DNAH7: variants seen among roughly 807,000 people sequenced by gnomAD.
DNAH7 encodes the protein axonemal beta dynein heavy chain 7.
Under a neutral mutation model 444.6 loss-of-function variants are expected in DNAH7, and 397 were observed. The observed-to-expected ratio is 0.89, with a 90% CI of 0.82 to 0.97. DNAH7 has a LOEUF of 0.97. Ranked by LOEUF, DNAH7 falls within the 50% of genes least tolerant of loss-of-function variation. The pLI is 0.00. For missense variants in DNAH7, 4,902 were observed against 4,800.8 expected, an observed-to-expected ratio of 1.02 and a Z score of -0.62; for synonymous variants, 1,636 against 1,624.4, an observed-to-expected ratio of 1.01 and a Z score of -0.17.
chr2:195,886,109 T>C (rs1472725059), intron 34 of DNAH7, 32 bp downstream of exon 34: 3 of 1,594,156 alleles, frequency 1.9e-6, no homozygotes, highest in Admixed American at 1.8e-5. Context: ...CCTGTCTTTC[T>C]GTAGCAGGAT....
intron 61 of DNAH7, among the ~76,000 whole-genome samples, chr2:195,758,125 A>G (rs1694172465): frequency 1.3e-5 from 2 of 152,236 alleles, no homozygotes; most frequent in African/African-American, 4.8e-5. Context: ...AAGCAGGTCA[A>G]GAAGAAATAC....
intron 17 of DNAH7, among the ~76,000 whole-genome samples, chr2:195,963,639 C>T (rs1691263440): frequency 6.6e-6 from 1 of 152,146 alleles, no homozygotes; most frequent in Non-Finnish European, 1.5e-5. Context: ...TCCACTTTTG[C>T]TTTGTTTGCC....
intron 46 of DNAH7, among the ~76,000 whole-genome samples, chr2:195,846,538 A>G (rs962437361): frequency 2.6e-5 from 4 of 152,196 alleles, no homozygotes; most frequent in Non-Finnish European, 5.9e-5. Context: ...GTCCTACCAT[A>G]AAGACACATG....
At chr2:195,973,155 G>GCAGAGTGGTAGGGCAGCAGAC (rs535545780) in intron 15 of DNAH7, among the ~76,000 whole-genome samples, 1 of 152,182 alleles carries the variant, frequency 6.6e-6, no homozygotes, top group Non-Finnish European at 1.5e-5. Flanking sequence ...CAGCACTGCA[G>GCAGAGTGGTAGGGCAGCAGAC]CAGAGTGGTA....
chr2:196,039,710 A>T (rs1696618454), intron 5 of DNAH7, among the ~76,000 whole-genome samples: 1 of 151,718 alleles, frequency 6.6e-6, no homozygotes, highest in African/African-American at 2.4e-5. Context: ...GAGGCATGAG[A>T]AGCACTTGAA....
chr2:195,764,975 G>C (rs952721153), intron 61 of DNAH7, among the ~76,000 whole-genome samples: 2 of 151,934 alleles, frequency 1.3e-5, no homozygotes, highest in African/African-American at 2.4e-5. Context: ...CACATTACCT[G>C]ATTTCAAATT....
At position 196,024,481 on chromosome 2, in the gene DNAH7, G is replaced by C; in HGVS notation, c.691C>G (p.Arg231Gly). ...SIVDFVLKDP[R>G]EKGDDKKTDE... is the part of the protein sequence containing the mutation. ...GTCTTCTTATCATCTCCTTTCTCTC[G>C]AGGATCTTTTAAAACAAAATCAACT... The change falls in exon 8 of 65, where the codon CGA becomes GGA. Residue 231 changes from arginine (R) to glycine (G), a missense_variant. Transcript: ENST00000312428. 6.3e-7 allele frequency: 1 copy of C among 1,578,638 alleles called. No individual in the cohort carries two copies. Among genetic ancestry groups the C allele is most frequent in the Non-Finnish European group, 8.6e-7 (1 of 1,164,808 alleles).
intron 10 of DNAH7, among the ~76,000 whole-genome samples, chr2:196,009,620 G>C (rs1267399279): frequency 6.6e-6 from 1 of 152,022 alleles, no homozygotes; most frequent in South Asian, 2.1e-4. Flanking sequence ...GATGTGTTGA[G>C]GAATACCTAA....
chr2:195,802,538 G>C (rs181575758), intron 54 of DNAH7, among the ~76,000 whole-genome samples: 31 of 152,158 alleles, frequency 2.0e-4, no homozygotes, highest in African/African-American at 7.0e-4. Context: ...GCATGGTGGT[G>C]CATGTCTGTA....
At chr2:196,044,032 G>A (rs368775452) in intron 5 of DNAH7, among the ~76,000 whole-genome samples, 21 of 152,086 alleles carry the variant, frequency 1.4e-4, no homozygotes, top group Admixed American at 1.2e-3. Flanking sequence ...ACTATCATTC[G>A]ATGAAGCAAT....
chr2:195,923,633 C>CA lies in DNAH7; in HGVS notation c.3786dup (p.Asp1263Ter). 2 of 1,614,094 alleles carry CA rather than the reference C, an allele frequency of 1.2e-6. No homozygotes were observed. Among genetic ancestry groups the CA allele is most frequent in the Non-Finnish European group, 1.7e-6 (2 of 1,180,010 alleles). Reference sequence around the variant, plus strand: ...CTAAGCTGACTTAACCATTCAAAGTCAGAGTCATCGCTAATATTTTTTTTT... The same window carrying CA: ...CTAAGCTGACTTAACCATTCAAAGTCAAGAGTCATCGCTAATATTTTTTTTT... On this transcript the variant is annotated frameshift_variant, in exon 23 of 65. Coordinates refer to ENST00000312428, the MANE Select transcript of DNAH7 (RefSeq NM_018897.3). LOFTEE classifies it high-confidence loss of function.
rs185445064 is a variant in DNAH7 at position 195,826,934 on chromosome 2, A to G, written c.9101-2489T>C. Among the ~76,000 whole-genome samples, 50 of 151,954 alleles carry G rather than the reference A, an allele frequency of 3.3e-4. 1 individual carries two copies. The highest frequency in any genetic ancestry group is 2.7e-3 in the Admixed American group (41 of 15,262). On this transcript the variant is annotated intron_variant, in intron 48 of 64. Transcript: ENST00000312428. ...CCTTTTATACCACATCCACATTCCA[A>G]CCATTAGAAAAAAAAAAGAAGAAAT...
At chr2:196,036,558 C>T (rs1696405782) in intron 5 of DNAH7, among the ~76,000 whole-genome samples, 1 of 152,192 alleles carries the variant, frequency 6.6e-6, no homozygotes, top group African/African-American at 2.4e-5. Flanking sequence ...CTACCTGGGG[C>T]CACTGCCACC....
At chr2:195,742,071 G>C (rs995857161) in intron 63 of DNAH7, among the ~76,000 whole-genome samples, 10 of 152,184 alleles carry the variant, frequency 6.6e-5, no homozygotes, top group Admixed American at 3.3e-4. Context: ...AATTGACAAA[G>C]CACTTGTCCA....
At chr2:195,934,477 G>C in intron 21 of DNAH7, 114 bp downstream of exon 21, 1 of 1,117,598 alleles carries the variant, frequency 8.9e-7, no homozygotes, top group South Asian at 1.5e-5. Flanking sequence ...ATTTGAATTG[G>C]TAATTCCATG....
chr2:196,037,176 C>G (rs1575075719), intron 5 of DNAH7, among the ~76,000 whole-genome samples: 2 of 152,138 alleles, frequency 1.3e-5, no homozygotes, highest in South Asian at 4.1e-4. Context: ...GAACATTACA[C>G]TATGGTGTCC....
intron 63 of DNAH7, among the ~76,000 whole-genome samples, chr2:195,751,590 G>A (rs576557211): frequency 5.9e-5 from 9 of 152,240 alleles, no homozygotes; most frequent in East Asian, 3.9e-4. Context: ...AAGCAGAGTC[G>A]CAAGAGAGGA....
At chr2:195,976,015 C>CAGA (rs1692163684) in intron 15 of DNAH7, among the ~76,000 whole-genome samples, 1 of 152,158 alleles carries the variant, frequency 6.6e-6, no homozygotes. Context: ...AAGAGAGACT[C>CAGA]CTTCTGCTTA....
At chr2:195,853,614 ATTATTT>A in intron 45 of DNAH7, 86 bp from the exon 46 acceptor site, 2 of 1,304,172 alleles carry the variant, frequency 1.5e-6, no homozygotes, top group Non-Finnish European at 2.1e-6. Flanking sequence ...GAAGTGAATT[ATTATTT>A]TTAATGACAG....
Sources: allele counts gnomAD v4.1 joint callset (sites outside exome capture counted in the v4.1 genomes callset), GRCh38; gene constraint gnomAD v4.1.1; transcripts MANE v1.5; gene names NCBI Gene and HGNC (gene_info 2026-07-23, HGNC 2026-07-21).